Variants in USP13 observed in about 807,000 individuals in gnomAD.
USP13 encodes the protein ubiquitin specific peptidase 13, also known as ubiquitin carboxyl-terminal hydrolase 13.
A neutral mutation model predicts 107.8 loss-of-function variants in USP13; 68 were observed. The ratio of observed to expected loss-of-function variants is 0.63; its 90% confidence interval spans 0.52 to 0.77. The LOEUF (loss-of-function observed/expected upper bound fraction) is 0.77, where lower values mean the gene tolerates loss of function less well. USP13 is among the 30% of genes least tolerant of loss of function. The pLI, the probability that USP13 is intolerant of heterozygous loss-of-function variation, is 0.00. For missense variants in USP13, 945 were observed against 1,093.3 expected, an observed-to-expected ratio of 0.86 and a Z score of 1.91; for synonymous variants, 377 against 389.5, an observed-to-expected ratio of 0.97 and a Z score of 0.38.
chr3:179,765,143 ATTATAC>A (rs1173369546), intron 18 of USP13, among the ~76,000 whole-genome samples: 1 of 152,238 alleles, frequency 6.6e-6, no homozygotes, highest in African/African-American at 2.4e-5. Flanking sequence ...AGTTTAAACA[ATTATAC>A]TTAACTAATC....
chr3:179,772,348 A>G (rs574200964), intron 19 of USP13, among the ~76,000 whole-genome samples: 2 of 152,382 alleles, frequency 1.3e-5, no homozygotes, highest in African/African-American at 4.8e-5. Context: ...CTGATTGCCA[A>G]TGAAATTAAC....
At chr3:179,673,658 A>G (rs1317959020) in intron 1 of USP13, among the ~76,000 whole-genome samples, 1 of 152,160 alleles carries the variant, frequency 6.6e-6, no homozygotes, top group Non-Finnish European at 1.5e-5. Flanking sequence ...AGAGACTGGC[A>G]GAGTGTGGCG....
intron 11 of USP13, among the ~76,000 whole-genome samples, chr3:179,740,769 C>CTT (rs768697378): frequency 2.1e-5 from 3 of 143,430 alleles, no homozygotes; most frequent in African/African-American, 2.6e-5. Flanking sequence ...CCATTAAAAA[C>CTT]TTTTTTTTTT....
intron 19 of USP13, among the ~76,000 whole-genome samples, chr3:179,779,077 C>A (rs1715650651): frequency 6.6e-6 from 1 of 151,926 alleles, no homozygotes; most frequent in South Asian, 2.1e-4. Context: ...TGAGGAGGAG[C>A]CCGGAGGCCA....
At chr3:179,705,102 G>A (rs1211277641) in intron 4 of USP13, among the ~76,000 whole-genome samples, 2 of 152,086 alleles carry the variant, frequency 1.3e-5, no homozygotes, top group Non-Finnish European at 2.9e-5. Context: ...GAGGCCCATC[G>A]CAGGGCTGCT....
In USP13 at chr3:179,742,917, T is replaced by C. The variant is rs1714253177; in HGVS notation, c.1534+567T>C. Among the ~76,000 whole-genome samples, 1 of 152,216 alleles carries C rather than the reference T, an allele frequency of 6.6e-6. No homozygotes were observed. On this transcript the variant is annotated intron_variant, in intron 12 of 20. Transcript: ENST00000263966. The surrounding 1 kb of genome is among the most constrained non-coding windows in gnomAD (Gnocchi z 5.0). Reference sequence around the variant, plus strand: ...TGTGGCACTCATGTTTGGTGCCTTCTCCTTCCATCAGTCTAAGCTGGTTCT... The same window carrying C: ...TGTGGCACTCATGTTTGGTGCCTTCCCCTTCCATCAGTCTAAGCTGGTTCT...
chr3:179,719,936 C>A lies in USP13; in HGVS notation c.806-4C>A. 1 of 1,612,390 alleles carries A rather than the reference C, an allele frequency of 6.2e-7. No homozygotes were observed. The highest frequency in any genetic ancestry group is 8.5e-7 in the Non-Finnish European group (1 of 1,178,908). The stretch of plus-strand genomic sequence containing the variant: ...GCAGTGCTTATTTTCTCTTCATCCG[C>A]TAGATGTTTATTCTTTTCAAGAAGA... On this transcript the variant is annotated splice_region_variant and splice_polypyrimidine_tract_variant and intron_variant, in intron 6 of 20. Transcript: ENST00000263966.
chr3:179,685,569 C>G (rs371167778), intron 2 of USP13, among the ~76,000 whole-genome samples: 20 of 150,634 alleles, frequency 1.3e-4, no homozygotes, highest in African/African-American at 4.7e-4. Context: ...TTAGGTGGTA[C>G]CTAATAATTC....
In USP13 at chr3:179,701,125, C is replaced by CACTA. The variant is rs1712502210; in HGVS notation, c.473_474insACTA (p.Val160ProfsTer7). On this transcript the variant is annotated frameshift_variant, in exon 4 of 21. Transcript: ENST00000263966. LOFTEE classifies it high-confidence loss of function. ...CTACCAAATATTGAGGAGTTACCAG[C>CACTA]CCTGGTCAGTGAGTGTGCACGGCTG... The CACTA allele has an allele frequency of 6.5e-7, 1 of 1,535,088 alleles. No homozygotes were observed. Among genetic ancestry groups the CACTA allele is most frequent in the Non-Finnish European group, 8.8e-7 (1 of 1,129,972 alleles).
At chr3:179,717,600 A>G (rs765607150) in intron 6 of USP13, among the ~76,000 whole-genome samples, 11 of 152,216 alleles carry the variant, frequency 7.2e-5, no homozygotes, top group Non-Finnish European at 1.3e-4. Flanking sequence ...AGAGGCTTAA[A>G]GTCTTAAGTC....
rs1241655783 is a variant in USP13, at chr3:179,733,073, A to G, written c.1254+2364A>G. On this transcript the variant is annotated intron_variant, in intron 10 of 20. Coordinates refer to ENST00000263966, the MANE Select transcript of USP13 (RefSeq NM_003940.3). Reference sequence around the variant, plus strand: ...AGCCAAGGGGCAGCCCTCCCTTCACACAGGACACACAGTCCCCAGCTGGCT... The same window carrying G: ...AGCCAAGGGGCAGCCCTCCCTTCACGCAGGACACACAGTCCCCAGCTGGCT... Among the ~76,000 whole-genome samples the G allele has an allele frequency of 2.0e-5, 3 of 152,158 alleles. No homozygotes were observed. The East Asian group carries it at 5.8e-4, about 29-fold the overall frequency.
At chr3:179,656,899 G>A (rs865929642) in intron 1 of USP13, among the ~76,000 whole-genome samples, 19 of 152,300 alleles carry the variant, frequency 1.2e-4, no homozygotes, top group African/African-American at 4.1e-4. Flanking sequence ...CTTTGGAAAT[G>A]TATGAATTCC....
intron 10 of USP13, among the ~76,000 whole-genome samples, chr3:179,734,194 C>A (rs1713905948): frequency 6.6e-6 from 1 of 152,166 alleles, no homozygotes; most frequent in African/African-American, 2.4e-5. Flanking sequence ...TAAACATTGT[C>A]ATGCATAAAA....
chr3:179,709,615 C>G (rs1388023249), intron 6 of USP13, among the ~76,000 whole-genome samples: 1 of 152,118 alleles, frequency 6.6e-6, no homozygotes, highest in Non-Finnish European at 1.5e-5. Context: ...CAGTTAATAC[C>G]TTCTACCATT....
Position 179,710,224 on chromosome 3 carries a change from G to A in USP13, c.805+1267G>A, listed in dbSNP as rs16830749. Among the ~76,000 whole-genome samples, 57 of 152,292 alleles carry A rather than the reference G, an allele frequency of 3.7e-4. No individual in the cohort carries two copies. The East Asian group carries it at 9.8e-3, about 26-fold the overall frequency. ...GATTGAAAGGAAATTCAAGACAAGC[G>A]TTTGGATTCAGGGTTACAGCGCGGT... On this transcript the variant is annotated intron_variant, in intron 6 of 20. Coordinates refer to ENST00000263966, the MANE Select transcript of USP13 (RefSeq NM_003940.3).
intron 4 of USP13, 49 bp downstream of exon 4, chr3:179,701,178 A>G (rs1195471622): frequency 8.1e-6 from 10 of 1,235,168 alleles, no homozygotes; most frequent in Non-Finnish European, 9.4e-6. Flanking sequence ...GCTCTGTGTC[A>G]GGTGTGTGTG....
chr3:179,786,925 T>C lies in USP13; in HGVS notation c.*2784T>C, dbSNP rs1329980875. The C allele has an allele frequency of 6.6e-6, 1 of 152,258 alleles. No individual in the cohort carries two copies. The highest frequency in any genetic ancestry group is 1.5e-5 in the Non-Finnish European group (1 of 68,052). The allele number at this position is 152,258 out of a possible 1,614,324, so 9.4% of individuals were successfully genotyped here. A position where few individuals can be genotyped will look rare whatever the true frequency, so the allele number is the denominator to read the frequency against. On this transcript the variant is annotated 3_prime_UTR_variant, in exon 21 of 21. Coordinates refer to ENST00000263966, the MANE Select transcript of USP13 (RefSeq NM_003940.3). ...TATGTAGAATTCCAATGAATATGTCTTTGGAAAAGGTAATGTATCAAAGTT... is the reference window on the plus strand; with the variant it reads ...TATGTAGAATTCCAATGAATATGTCCTTGGAAAAGGTAATGTATCAAAGTT...
chr3:179,712,812 ATCAACAGTGTATGACAGTACCCATT>A (rs1465278411), intron 6 of USP13, among the ~76,000 whole-genome samples: 1 of 152,034 alleles, frequency 6.6e-6, no homozygotes, highest in African/African-American at 2.4e-5. Flanking sequence ...TTACATTCCC[ATCAACAGTGTATGACAGTACCCATT>A]TCAACAAATC....
chr3:179,660,644 G>A (rs1720430429), intron 1 of USP13, among the ~76,000 whole-genome samples: 1 of 152,162 alleles, frequency 6.6e-6, no homozygotes, highest in Non-Finnish European at 1.5e-5. Context: ...TTTTACCATT[G>A]TACTATGCAC....
Sources: allele counts gnomAD v4.1 joint callset (sites outside exome capture counted in the v4.1 genomes callset), GRCh38; gene constraint gnomAD v4.1.1; non-coding constraint Gnocchi (gnomAD v3.1); transcripts MANE v1.5; gene names NCBI Gene and HGNC (gene_info 2026-07-23, HGNC 2026-07-21).